SLC25A14: variants seen among roughly 807,000 people sequenced by gnomAD.
SLC25A14 encodes solute carrier family 25 member 14.
SLC25A14 carries 8 observed loss-of-function variants against 28.1 expected under a neutral mutation model. That is an observed-to-expected ratio of 0.28 (90% CI 0.17 to 0.51). SLC25A14 has a LOEUF of 0.51. Among genes scored for constraint, SLC25A14 ranks in the 20% least tolerant of loss-of-function variants. The pLI, the probability that SLC25A14 is intolerant of heterozygous loss-of-function variation, is 0.97. For synonymous variants in SLC25A14, 74 were observed against 90.6 expected, an observed-to-expected ratio of 0.82 and a Z score of 1.04; for missense variants, 135 against 263.8, an observed-to-expected ratio of 0.51 and a Z score of 3.38.
At chrX:130,368,896 A>G (rs1409960309) in intron 9 of SLC25A14, among the ~76,000 whole-genome samples, 1 of 112,541 alleles carries the variant, frequency 8.9e-6, no homozygotes, top group African/African-American at 3.2e-5. Flanking sequence ...TTATGTTGGT[A>G]GTAACCTTTA....
At chrX:130,353,736 C>T (rs763148924) in intron 6 of SLC25A14, among the ~76,000 whole-genome samples, 1 of 112,015 alleles carries the variant, frequency 8.9e-6, no homozygotes, top group East Asian at 2.8e-4. Flanking sequence ...ACCTTCTCAT[C>T]CAGATTTTAC....
chrX:130,340,036 G>C, intron 1 of SLC25A14, 60 bp downstream of exon 1: 7 of 990,080 alleles, frequency 7.1e-6, no homozygotes, highest in Non-Finnish European at 8.9e-6. Flanking sequence ...GCCAGGCCGC[G>C]CGGGGCCGGG....
intron 7 of SLC25A14, among the ~76,000 whole-genome samples, chrX:130,363,474 C>T (rs1445878159): frequency 8.9e-6 from 1 of 112,310 alleles, no homozygotes; most frequent in Admixed American, 9.4e-5. Context: ...GGGTTCTTTG[C>T]ACATTTTGGC....
chrX:130,373,257 G>A lies in SLC25A14; in HGVS notation c.*307G>A, dbSNP rs2034307172. On this transcript the variant is annotated 3_prime_UTR_variant, in exon 11 of 11. Transcript: ENST00000545805. Reference sequence around the variant, plus strand: ...TTCCAAATGTGGTTAAATGTAATTGGTTAGCCCCAGACTTGGGCTAGAGCA... The same window carrying A: ...TTCCAAATGTGGTTAAATGTAATTGATTAGCCCCAGACTTGGGCTAGAGCA... 1 of 255,223 alleles carries A rather than the reference G, an allele frequency of 3.9e-6. No homozygotes were observed. The highest frequency in any genetic ancestry group is 6.7e-6 in the Non-Finnish European group (1 of 148,317). The allele number at this position is 255,223 out of a possible 1,213,427, so 21.0% of individuals were successfully genotyped here. A position where few individuals can be genotyped will look rare whatever the true frequency, so the allele number is the denominator to read the frequency against.
rs747954820 is a variant in SLC25A14, at chrX:130,340,575, G to A, written c.75+222G>A. The stretch of plus-strand genomic sequence containing the variant: ...GGTTTCCTGTCAGTGATTCCTTGTT[G>A]TTGTTGTTTTTCCCCCCAGCCTAGA... On this transcript the variant is annotated intron_variant, in intron 2 of 10. Coordinates refer to ENST00000545805, the MANE Select transcript of SLC25A14 (RefSeq NM_001282195.2). Among the ~76,000 whole-genome samples, 13 of 111,519 alleles carry A rather than the reference G, an allele frequency of 1.2e-4. No individual in the cohort carries two copies. The South Asian group carries it at 4.5e-3, about 39-fold the overall frequency.
chrX:130,364,455 G>A (rs2034063886), intron 7 of SLC25A14, among the ~76,000 whole-genome samples, 173 bp from the exon 8 acceptor site: 1 of 111,076 alleles, frequency 9.0e-6, no homozygotes, highest in African/African-American at 3.3e-5. Flanking sequence ...AGTATAGCAA[G>A]TGAATTGGAA....
chrX:130,355,167 AG>A (rs909140362), intron 6 of SLC25A14, among the ~76,000 whole-genome samples: 3 of 112,179 alleles, frequency 2.7e-5, no homozygotes, highest in African/African-American at 9.7e-5. Context: ...CAGCTGTTTA[AG>A]GTGATTGTCT....
intron 5 of SLC25A14, among the ~76,000 whole-genome samples, chrX:130,350,222 T>G (rs1251565299): frequency 8.9e-6 from 1 of 111,855 alleles, no homozygotes; most frequent in Non-Finnish European, 1.9e-5. Flanking sequence ...CAAATAAGTT[T>G]TTTGTATTAG....
intron 9 of SLC25A14, 82 bp from the exon 10 acceptor site, chrX:130,371,472 AGCCATAAGTT>A: frequency 8.7e-6 from 5 of 573,720 alleles, no homozygotes; most frequent in South Asian, 7.8e-5. Context: ...CTATTCATGG[AGCCATAAGTT>A]GCCCTGGGGT....
chrX:130,361,499 A>G (rs1033713188), intron 7 of SLC25A14, among the ~76,000 whole-genome samples: 4 of 112,863 alleles, frequency 3.5e-5, no homozygotes, highest in African/African-American at 6.4e-5. Context: ...TCATTTCAAC[A>G]AGAAAATATG....
intron 2 of SLC25A14, among the ~76,000 whole-genome samples, chrX:130,344,826 C>T (rs930086307): frequency 6.3e-5 from 7 of 111,258 alleles, no homozygotes; most frequent in African/African-American, 2.0e-4. Flanking sequence ...ATTTGAATTC[C>T]GGGTTCCTTC....
chrX:130,340,172 C>A lies in SLC25A14; in HGVS notation c.-107C>A. On this transcript the variant is annotated 5_prime_UTR_variant, in exon 2 of 11. Transcript: ENST00000545805. Reference sequence around the variant, plus strand: ...GTTTTACTTCTTCGATTGAACCCTGCTTCCTCGACCCCCCTGGGAGGCCGC... The same window carrying A: ...GTTTTACTTCTTCGATTGAACCCTGATTCCTCGACCCCCCTGGGAGGCCGC... 8.6e-7 allele frequency: 1 copy of A among 1,167,471 alleles called. No homozygotes were observed. Among genetic ancestry groups the A allele is most frequent in the Admixed American group, 2.7e-5 (1 of 37,546 alleles).
chrX:130,345,545 G>T (rs2033407557), intron 3 of SLC25A14, among the ~76,000 whole-genome samples: 1 of 110,691 alleles, frequency 9.0e-6, no homozygotes, highest in Admixed American at 9.6e-5. Flanking sequence ...TATAGAGGGA[G>T]TTGATATGTC....
At chrX:130,346,100 T>C (rs2033426763) in intron 3 of SLC25A14, among the ~76,000 whole-genome samples, 1 of 111,063 alleles carries the variant, frequency 9.0e-6, no homozygotes. Context: ...TTTGTAACAC[T>C]ATATAAGAGC....
At chrX:130,364,468 T>C (rs1307963922) in intron 7 of SLC25A14, among the ~76,000 whole-genome samples, 160 bp from the exon 8 acceptor site, 1 of 111,580 alleles carries the variant, frequency 9.0e-6, no homozygotes, top group Non-Finnish European at 1.9e-5. Flanking sequence ...AATTGGAAAT[T>C]TGTATATGTT....
intron 9 of SLC25A14, among the ~76,000 whole-genome samples, chrX:130,365,940 G>C (rs1030870482): frequency 1.8e-5 from 2 of 111,800 alleles, no homozygotes; most frequent in African/African-American, 6.5e-5. Context: ...ATTATTGATA[G>C]AAAAGACAAT....
intron 6 of SLC25A14, among the ~76,000 whole-genome samples, chrX:130,355,153 C>T (rs760818083): frequency 8.9e-6 from 1 of 112,039 alleles, no homozygotes; most frequent in Admixed American, 9.4e-5. Context: ...CTTTTAAAGG[C>T]AAGCAGCTGT....
intron 9 of SLC25A14, among the ~76,000 whole-genome samples, chrX:130,370,141 A>G (rs773343822): frequency 9.0e-6 from 1 of 111,643 alleles, no homozygotes; most frequent in Non-Finnish European, 1.9e-5. Context: ...GACCTTTACT[A>G]TTTGCTGAAG....
In SLC25A14 at chrX:130,356,217, CTTTTTTTTTTTTTTTT is replaced by C. The variant is rs145822008; in HGVS notation, c.499-2411_499-2396del. On this transcript the variant is annotated intron_variant, in intron 6 of 10. Transcript: ENST00000545805. ...GCTAGAATTCTTCTGCAAGGGCAAT[CTTTTTTTTTTTTTTTT>C]TTTTTTTTTTTGAGATGGAGTCTCG... 4.8e-3 allele frequency among the ~76,000 whole-genome samples: 249 copies of C among 52,072 alleles called. 2 individuals carry two copies. The highest frequency in any genetic ancestry group is 4.8e-3 in the Admixed American group (19 of 3,950). 45.2% of individuals were successfully genotyped at this position (52,072 alleles called of 115,157 possible).
Sources: gnomAD v4.1 joint callset for allele counts (sites outside exome capture counted in the v4.1 genomes callset) on GRCh38, gnomAD v4.1.1 for gene constraint, MANE v1.5 for transcripts, NCBI Gene and HGNC (gene_info 2026-07-23, HGNC 2026-07-21) for gene names.